The following ITGAV variants were observed in gnomAD, a reference collection of about 807,000 sequenced individuals.
ITGAV encodes integrin subunit alpha V, also known as integrin alpha-V.
ITGAV carries 76 observed loss-of-function variants against 143.8 expected under a neutral mutation model. The observed-to-expected ratio is 0.53, with a 90% CI of 0.44 to 0.64. The LOEUF (loss-of-function observed/expected upper bound fraction) is 0.64. ITGAV is among the 30% of genes least tolerant of loss of function. The probability of loss-of-function intolerance (pLI) is 0.00; values close to 1 mark genes in which losing one functional copy is unlikely to be tolerated. For synonymous variants in ITGAV, 453 were observed against 446.7 expected (o/e 1.01, Z -0.18); for missense variants, 1,193 against 1,274.7 (o/e 0.94, Z 0.98).
intron 10 of ITGAV, among the ~76,000 whole-genome samples, chr2:186,640,083 ACTTTC>A (rs911530950): frequency 6.6e-6 from 1 of 152,210 alleles, no homozygotes; most frequent in African/African-American, 2.4e-5. Context: ...AGCATTGCTA[ACTTTC>A]CTTTTTTGGT....
chr2:186,673,925 C>T (rs921876954), intron 26 of ITGAV, among the ~76,000 whole-genome samples: 2 of 152,144 alleles, frequency 1.3e-5, no homozygotes, highest in East Asian at 1.9e-4. Flanking sequence ...CCACCTTGGC[C>T]TCCCGAAAGT....
intron 5 of ITGAV, among the ~76,000 whole-genome samples, chr2:186,632,552 A>T (rs1687841878): frequency 6.6e-6 from 1 of 152,178 alleles, no homozygotes; most frequent in African/African-American, 2.4e-5. Context: ...GAAACACAAT[A>T]TACCTAGGAT....
rs138186715 is a variant in ITGAV at position 186,672,214 on chromosome 2, T to C, written c.2706+2400T>C. The stretch of plus-strand genomic sequence containing the variant: ...ATCCGCCCGCCTCGGCCTCCCAAAG[T>C]GTTGGGATTACAGGCGTGAACTACC... On this transcript the variant is annotated intron_variant, in intron 26 of 29. Coordinates refer to ENST00000261023, the MANE Select transcript of ITGAV (RefSeq NM_002210.5). 1.5e-3 allele frequency among the ~76,000 whole-genome samples: 224 copies of C among 152,290 alleles called. 1 individual carries two copies. Among genetic ancestry groups the C allele is most frequent in the African/African-American group, 5.1e-3 (211 of 41,562 alleles).
intron 5 of ITGAV, among the ~76,000 whole-genome samples, chr2:186,631,173 A>G (rs886109039): frequency 3.3e-5 from 5 of 152,306 alleles, no homozygotes; most frequent in African/African-American, 1.2e-4. Context: ...TTTATAGCAT[A>G]TTAAAGTTTT....
intron 18 of ITGAV, among the ~76,000 whole-genome samples, chr2:186,662,559 A>G (rs1688777575): frequency 6.6e-6 from 1 of 152,230 alleles, no homozygotes; most frequent in Non-Finnish European, 1.5e-5. Flanking sequence ...TAAGTTTAGA[A>G]CAACTTGAGT....
At chr2:186,610,124 G>T (rs138387411) in intron 2 of ITGAV, among the ~76,000 whole-genome samples, 339 of 152,116 alleles carry the variant, frequency 2.2e-3, no homozygotes, top group African/African-American at 7.8e-3. Context: ...TAAAATGATA[G>T]AAGTTACATG....
chr2:186,625,652 T>C (rs1687653183), intron 4 of ITGAV, 65 bp downstream of exon 4: 10 of 675,656 alleles, frequency 1.5e-5, no homozygotes, highest in South Asian at 1.4e-4. Flanking sequence ...GTTAAAAATA[T>C]GTGTGTGTGG....
chr2:186,668,631 T>G, intron 24 of ITGAV, 131 bp from the exon 25 acceptor site: 1 of 722,782 alleles, frequency 1.4e-6, no homozygotes, highest in Non-Finnish European at 2.4e-6. Flanking sequence ...ACATTGTAAT[T>G]AGAGGTTAAC....
At chr2:186,649,952 G>T in intron 14 of ITGAV, 67 bp downstream of exon 14, 1 of 1,027,928 alleles carries the variant, frequency 9.7e-7, no homozygotes, top group Non-Finnish European at 1.4e-6. Context: ...TTAATTAAGT[G>T]TCAGTGTTTG....
intron 14 of ITGAV, 131 bp from the exon 15 acceptor site, chr2:186,651,850 CT>C: frequency 1.7e-6 from 1 of 575,718 alleles, no homozygotes; most frequent in Non-Finnish European, 3.1e-6. Context: ...GTTCCTGTTC[CT>C]TTTACTATTA....
At position 186,675,429 on chromosome 2, in the gene ITGAV, C is replaced by T. The variant is rs570817200; in HGVS notation, c.2707-175C>T. On this transcript the variant is annotated intron_variant, in intron 26 of 29. Transcript: ENST00000261023. ...GAAAAAGAAAAGAAACATACCAACC[C>T]CTTCACAATAAAAAGCATTCATAGA... is the stretch of plus-strand genomic sequence containing the variant. Among the ~76,000 whole-genome samples, 53 of 152,244 alleles carry T rather than the reference C, an allele frequency of 3.5e-4. 1 individual carries two copies. In the South Asian group the frequency reaches 0.011, roughly 32 times the overall value.
At chr2:186,644,272 A>G (rs1475009741) in intron 12 of ITGAV, among the ~76,000 whole-genome samples, 3 of 151,670 alleles carry the variant, frequency 2.0e-5, no homozygotes, top group East Asian at 1.9e-4. Flanking sequence ...ATTAATGCAT[A>G]TGTCAGTAGA....
chr2:186,643,674 G>A lies in ITGAV; in HGVS notation c.1159+2086G>A, dbSNP rs929363827. On this transcript the variant is annotated intron_variant, in intron 12 of 29. Coordinates refer to ENST00000261023, the MANE Select transcript of ITGAV (RefSeq NM_002210.5). ...GTTCCAAAATTTTATATAGCCCCAA[G>A]GTAATTATGTGCAGTTTTTTATCAG... 3.9e-5 allele frequency among the ~76,000 whole-genome samples: 6 copies of A among 151,912 alleles called. No homozygotes were observed. In the South Asian group the frequency reaches 8.3e-4, roughly 21 times the overall value.
At chr2:186,602,271 G>A (rs111245869) in intron 2 of ITGAV, 120 bp downstream of exon 2, 1 of 655,726 alleles carries the variant, frequency 1.5e-6, no homozygotes, top group South Asian at 3.1e-5. Flanking sequence ...AGCTTCACAG[G>A]GAAAATTATA....
chr2:186,673,631 G>C (rs1186690226), intron 26 of ITGAV, among the ~76,000 whole-genome samples: 1 of 151,826 alleles, frequency 6.6e-6, no homozygotes, highest in African/African-American at 2.4e-5. Context: ...TGATTTCTGT[G>C]TATTCTTTTC....
Position 186,677,361 on chromosome 2 carries a change from T to C in ITGAV, c.*69T>C. ...GCAACTTTATTATAGATTTAAACTT[T>C]CTTCATGAGGAGTAAAAATCCAAGG... On this transcript the variant is annotated 3_prime_UTR_variant, in exon 30 of 30. Transcript: ENST00000261023. 8.4e-7 allele frequency: 1 copy of C among 1,188,254 alleles called. No individual in the cohort carries two copies. The highest frequency in any genetic ancestry group is 1.2e-6 in the Non-Finnish European group (1 of 817,810). 73.6% of individuals were successfully genotyped at this position (1,188,254 alleles called of 1,614,324 possible).
rs190278230 is a variant in ITGAV, at chr2:186,644,421, G to A, written c.1160-2265G>A. ...GCTCACTGCAACCTCCGCCTCCTGG[G>A]TTCAAGCGATTCCCCTGCCTCAGCC... On this transcript the variant is annotated intron_variant, in intron 12 of 29. Transcript: ENST00000261023. 7.2e-4 allele frequency among the ~76,000 whole-genome samples: 109 copies of A among 152,116 alleles called. 3 individuals are homozygous for A. In the East Asian group the frequency reaches 0.017, roughly 24 times the overall value.
At chr2:186,675,747 C>T in intron 27 of ITGAV, 30 bp downstream of exon 27, 2 of 1,559,728 alleles carry the variant, frequency 1.3e-6, no homozygotes, top group South Asian at 2.2e-5. Flanking sequence ...ATTTAGCAAA[C>T]ATACCCAGTG....
chr2:186,675,872 T>A lies in ITGAV; in HGVS notation c.2873T>A (p.Val958Asp). Residue 958 changes from valine (V) to aspartate (D), a missense_variant, in exon 28 of 30, where the codon GTC becomes GAC. By Grantham distance (152) the Val-to-Asp change is radical. Coordinates refer to ENST00000261023, the MANE Select transcript of ITGAV (RefSeq NM_002210.5). The stretch of plus-strand genomic sequence containing the variant: ...CTGAAGTCGTCTGCTTCATTTAATG[T>A]CATAGAGTTTCCTTATAAGAATCTT... The part of the protein sequence containing the change: ...YSLKSSASFN[V>D]IEFPYKNLPI... 6.2e-7 allele frequency: 1 copy of A among 1,610,530 alleles called. No individual in the cohort carries two copies. The highest frequency in any genetic ancestry group is 1.1e-5 in the South Asian group (1 of 90,718).
Sources: gnomAD v4.1 joint callset for allele counts (sites outside exome capture counted in the v4.1 genomes callset) on GRCh38, gnomAD v4.1.1 for gene constraint, MANE v1.5 for transcripts, NCBI Gene and HGNC (gene_info 2026-07-23, HGNC 2026-07-21) for gene names.